CCDC117: variants seen among roughly 807,000 people sequenced by gnomAD.
The protein encoded by CCDC117 is coiled-coil domain-containing protein 117.
Under a neutral mutation model 23.5 loss-of-function variants are expected in CCDC117, and 1 was observed. That is an observed-to-expected ratio of 0.04 (90% CI 0.02 to 0.20). CCDC117 has a LOEUF of 0.20. CCDC117 is among the 10% of genes least tolerant of loss of function. The probability of loss-of-function intolerance (pLI) is 1.00; values close to 1 mark genes in which losing one functional copy is unlikely to be tolerated. For missense variants in CCDC117, 383 were observed against 348.2 expected (o/e 1.10, Z -0.80); for synonymous variants, 132 against 124.8 (o/e 1.06, Z -0.39).
At position 28,772,995 on chromosome 22, in the gene CCDC117, C is replaced by G. The variant is rs1215594932; in HGVS notation, c.146C>G (p.Ala49Gly). The stretch of plus-strand genomic sequence containing the variant: ...TTGGCCCCGCGGCCGGGACCTCGCG[C>G]AGTCCCTAGCAGTCCCGCTGGGAGT... ...AELAPRPGPR[A>G]VPSSPAGSAA... The change falls in exon 1 of 5, where the codon GCA becomes GGA. Residue 49 changes from alanine (A) to glycine (G), a missense_variant. Transcript: ENST00000249064. The G allele has an allele frequency of 1.7e-6, 2 of 1,193,576 alleles. No homozygotes were observed. The allele number at this position is 1,193,576 out of a possible 1,614,324, so 73.9% of individuals were successfully genotyped here. A position where few individuals can be genotyped will look rare whatever the true frequency, so the allele number is the denominator to read the frequency against.
rs1285035182 is a variant in CCDC117, at chr22:28,781,351, T to G, written c.464+179T>G. ...TTTTGTTTTGTTTTTTTTTTTTTTT[T>G]TTTTTTTTTTTTTTTTTGAGACGGA... On this transcript the variant is annotated intron_variant, in intron 3 of 4. Transcript: ENST00000249064. Among the ~76,000 whole-genome samples, 4 of 11,316 alleles carry G rather than the reference T, an allele frequency of 3.5e-4. 1 individual carries two copies. The highest frequency in any genetic ancestry group is 1.7e-3 in the Admixed American group (2 of 1,192). 7.4% of individuals were successfully genotyped at this position (11,316 alleles called of 152,430 possible). A position where few individuals can be genotyped will look rare whatever the true frequency, so the allele number is the denominator to read the frequency against.
chr22:28,773,834 T>G, intron 2 of CCDC117, 56 bp downstream of exon 2: 5 of 1,348,554 alleles, frequency 3.7e-6, no homozygotes, highest in Non-Finnish European at 5.3e-6. Context: ...GAACCCCTGT[T>G]ATAGTCTAAA....
At chr22:28,774,070 G>GTTT (rs67314143) in intron 2 of CCDC117, among the ~76,000 whole-genome samples, 3 of 126,114 alleles carry the variant, frequency 2.4e-5, no homozygotes, top group African/African-American at 5.8e-5. Flanking sequence ...TTTTGTTTTT[G>GTTT]TTTTTTTTTT....
intron 3 of CCDC117, among the ~76,000 whole-genome samples, chr22:28,781,892 C>T (rs368115487): frequency 1.3e-5 from 2 of 151,908 alleles, no homozygotes; most frequent in African/African-American, 2.4e-5. Context: ...ATCCCCCTGT[C>T]TCGGCCTCCC....
intron 2 of CCDC117, among the ~76,000 whole-genome samples, chr22:28,774,472 A>G (rs1164614725): frequency 1.3e-5 from 2 of 151,340 alleles, no homozygotes; most frequent in Non-Finnish European, 2.9e-5. Context: ...CTTGGGCTCA[A>G]ATGATCCCTC....
At chr22:28,775,395 G>C (rs1168863526) in intron 2 of CCDC117, among the ~76,000 whole-genome samples, 1 of 152,150 alleles carries the variant, frequency 6.6e-6, no homozygotes, top group African/African-American at 2.4e-5. Context: ...CCATTCTTTT[G>C]AAGTTCTTTG....
chr22:28,777,853 A>G (rs2031214600), intron 2 of CCDC117, among the ~76,000 whole-genome samples: 1 of 141,838 alleles, frequency 7.1e-6, no homozygotes, highest in African/African-American at 2.6e-5. Context: ...TCTTATAGGA[A>G]TTTTTTTTTT....
intron 4 of CCDC117, among the ~76,000 whole-genome samples, chr22:28,785,440 G>A (rs1418913375): frequency 3.3e-5 from 5 of 152,168 alleles, no homozygotes; most frequent in Admixed American, 3.3e-4. Context: ...TGCCTGGCTT[G>A]GCCTCCCAAA....
chr22:28,774,787 CTTTCTTTT>C (rs1347448330), intron 2 of CCDC117, among the ~76,000 whole-genome samples: 5 of 151,674 alleles, frequency 3.3e-5, no homozygotes, highest in African/African-American at 9.7e-5. Flanking sequence ...TTTTCTTTTT[CTTTCTTTT>C]TTTCTTTTTT....
chr22:28,773,461 C>T (rs547282423), intron 1 of CCDC117: 1 of 512,862 alleles, frequency 1.9e-6, no homozygotes, highest in Non-Finnish European at 3.5e-6. Flanking sequence ...CAGCGCCTGC[C>T]CCGAGGACGT....
Position 28,772,892 on chromosome 22 carries a change from G to A in CCDC117, c.43G>A (p.Gly15Ser). The A allele has an allele frequency of 8.1e-7, 1 of 1,235,166 alleles. No homozygotes were observed. The highest frequency in any genetic ancestry group is 3.1e-4 in the Middle Eastern group (1 of 3,216). 76.5% of individuals were successfully genotyped at this position (1,235,166 alleles called of 1,614,324 possible). ...GCCCTTCAGCGGCCTCCCTCTGAGCGGCGGCTCGGACTTCCTGCAGCCGCC... is the reference window on the plus strand; with the variant it reads ...GCCCTTCAGCGGCCTCCCTCTGAGCAGCGGCTCGGACTTCCTGCAGCCGCC... ...GRPFSGLPLSGGSDFLQPPQP... is the reference protein window; with the variant it reads ...GRPFSGLPLSSGSDFLQPPQP... The change falls in exon 1 of 5, where the codon GGC becomes AGC. Residue 15 changes from glycine to serine, a missense_variant. Coordinates refer to ENST00000249064, the MANE Select transcript of CCDC117 (RefSeq NM_173510.4).
chr22:28,781,142 C>T lies in CCDC117; in HGVS notation c.434C>T (p.Ala145Val). ...QTTGEPQCEV[A>V]RRKLQEIEDR... The stretch of plus-strand genomic sequence containing the variant: ...ACTGGAGAACCACAGTGTGAAGTTG[C>T]CCGAAGGAAGCTTCAGGAGATTGAG... Residue 145 changes from alanine to valine, a missense_variant, in exon 3 of 5, where the codon GCC becomes GTC. Transcript: ENST00000249064. 1 of 1,613,410 alleles carries T rather than the reference C, an allele frequency of 6.2e-7. No homozygotes were observed. Among genetic ancestry groups the T allele is most frequent in the Non-Finnish European group, 8.5e-7 (1 of 1,179,708 alleles).
chr22:28,777,755 G>T (rs1392479488), intron 2 of CCDC117, among the ~76,000 whole-genome samples: 1 of 151,656 alleles, frequency 6.6e-6, no homozygotes, highest in African/African-American at 2.4e-5. Flanking sequence ...TGATCCACCC[G>T]CCTCAGCCTC....
chr22:28,773,665 T>C (rs773401453), intron 1 of CCDC117, 60 bp from the exon 2 acceptor site: 133 of 1,364,950 alleles, frequency 9.7e-5, no homozygotes, highest in Non-Finnish European at 1.4e-4. Flanking sequence ...AGAAAGAGGA[T>C]ACTGAAACCA....
Position 28,774,313 on chromosome 22 carries a change from C to T in CCDC117, c.239+535C>T, listed in dbSNP as rs577325660. Reference sequence around the variant, plus strand: ...TGATCTTCTGACTTCATGATCCTCCCGCCTCAGCCTCCCAAAGTGCTGAGA... The same window carrying T: ...TGATCTTCTGACTTCATGATCCTCCTGCCTCAGCCTCCCAAAGTGCTGAGA... On this transcript the variant is annotated intron_variant, in intron 2 of 4. Coordinates refer to ENST00000249064, the MANE Select transcript of CCDC117 (RefSeq NM_173510.4). 1.6e-4 allele frequency among the ~76,000 whole-genome samples: 24 copies of T among 151,334 alleles called. No homozygotes were observed. In the South Asian group the frequency reaches 3.5e-3, roughly 22 times the overall value.
chr22:28,774,207 A>G (rs1030797095), intron 2 of CCDC117, among the ~76,000 whole-genome samples: 1 of 150,044 alleles, frequency 6.7e-6, no homozygotes, highest in African/African-American at 2.5e-5. Flanking sequence ...AGCTGGGACT[A>G]CAGGCGCCCG....
In CCDC117 at chr22:28,786,247, C is replaced by T. The variant is rs775510141; in HGVS notation, c.761C>T (p.Ser254Leu). ...TAFPQRTELF[S>L]EPRPTGMSLY... is the part of the protein sequence containing the mutation. ...TTCCCTCAGAGAACTGAACTGTTTT[C>T]GGAACCTCGGCCAACAGGGATGTCT... is the stretch of plus-strand genomic sequence containing the variant. Residue 254 changes from serine (S) to leucine (L), a missense_variant, in exon 5 of 5, where the codon TCG becomes TTG. By Grantham distance (145) the Ser-to-Leu change is moderately radical (BLOSUM62 -2). Coordinates refer to ENST00000249064, the MANE Select transcript of CCDC117 (RefSeq NM_173510.4). 4.4e-5 allele frequency: 71 copies of T among 1,613,990 alleles called. No homozygotes were observed. In the Admixed American group the frequency reaches 5.7e-4, roughly 13 times the overall value.
intron 2 of CCDC117, among the ~76,000 whole-genome samples, chr22:28,778,392 C>G (rs1228314013): frequency 6.6e-6 from 1 of 151,992 alleles, no homozygotes; most frequent in Non-Finnish European, 1.5e-5. Flanking sequence ...CAGATCACCT[C>G]AGATCAGTAG....
At chr22:28,781,330 GTTTTGTTTTTTTTTTTT>G (rs2031314547) in intron 3 of CCDC117, among the ~76,000 whole-genome samples, 158 bp downstream of exon 3, 8 of 37,628 alleles carry the variant, frequency 2.1e-4, no homozygotes, top group African/African-American at 5.9e-4. Context: ...TTGTTTTTTT[GTTTTGTTTTTTTTTTTT>G]TTTTTTTTTT....
Sources: allele counts gnomAD v4.1 joint callset (sites outside exome capture counted in the v4.1 genomes callset), GRCh38; gene constraint gnomAD v4.1.1; transcripts MANE v1.5; gene names NCBI Gene and HGNC (gene_info 2026-07-23, HGNC 2026-07-21).